Variants in CFAP299 observed in about 807,000 individuals in gnomAD.
CFAP299 encodes cilia- and flagella-associated protein 299.
In CFAP299, 21 loss-of-function variants were observed where a neutral mutation model predicts 27.0. The ratio of observed to expected loss-of-function variants is 0.78; its 90% confidence interval spans 0.55 to 1.12. CFAP299 has a LOEUF of 1.12. Ranked by LOEUF, CFAP299 falls within the 50% of genes most tolerant of loss-of-function variation. CFAP299 has a pLI of 0.00. For missense variants in CFAP299, 310 were observed against 276.6 expected, an observed-to-expected ratio of 1.12 and a Z score of -0.86; for synonymous variants, 104 against 98.1, an observed-to-expected ratio of 1.06 and a Z score of -0.36.
At chr4:80,932,801 G>A (rs1266702929) in intron 4 of CFAP299, among the ~76,000 whole-genome samples, 1 of 152,084 alleles carries the variant, frequency 6.6e-6, no homozygotes, top group East Asian at 1.9e-4. Flanking sequence ...GATTGCCCAG[G>A]ATAGTCCAAG....
chr4:80,841,101 A>G (rs1277525190), intron 3 of CFAP299, among the ~76,000 whole-genome samples: 1 of 152,188 alleles, frequency 6.6e-6, no homozygotes, highest in Non-Finnish European at 1.5e-5. Context: ...AATCTTATTC[A>G]TCCATGTGCC....
At chr4:80,476,831 C>A (rs915810084) in intron 2 of CFAP299, among the ~76,000 whole-genome samples, 6 of 152,038 alleles carry the variant, frequency 3.9e-5, no homozygotes, top group Non-Finnish European at 7.4e-5. Context: ...TCTGGTCACC[C>A]CTTCACTGTC....
At chr4:80,820,240 T>G (rs1729631191) in intron 3 of CFAP299, among the ~76,000 whole-genome samples, 2 of 152,190 alleles carry the variant, frequency 1.3e-5, no homozygotes, top group African/African-American at 4.8e-5. Flanking sequence ...AAAGGCCAGG[T>G]CTTTATGCAT....
At chr4:80,840,425 G>T (rs114912850) in intron 3 of CFAP299, among the ~76,000 whole-genome samples, 2 of 152,040 alleles carry the variant, frequency 1.3e-5, no homozygotes, top group African/African-American at 2.4e-5. Flanking sequence ...AAATGTTACC[G>T]GGTTATTTTG....
At chr4:80,719,235 C>G (rs1344721249) in intron 3 of CFAP299, among the ~76,000 whole-genome samples, 2 of 152,044 alleles carry the variant, frequency 1.3e-5, no homozygotes, top group Non-Finnish European at 2.9e-5. Flanking sequence ...AAAAAACCCC[C>G]ATGACATGAG....
intron 4 of CFAP299, among the ~76,000 whole-genome samples, chr4:80,936,565 T>C (rs141158544): frequency 6.6e-6 from 1 of 152,156 alleles, no homozygotes; most frequent in Non-Finnish European, 1.5e-5. Context: ...ATGTTTTCAC[T>C]TATAATTTGG....
At chr4:80,789,630 C>T (rs778856641) in intron 3 of CFAP299, among the ~76,000 whole-genome samples, 14 of 152,034 alleles carry the variant, frequency 9.2e-5, no homozygotes, top group Middle Eastern at 3.4e-3. Flanking sequence ...TATTTTGACA[C>T]GTATTTATTC....
At chr4:80,810,764 T>C (rs2110116534) in intron 3 of CFAP299, among the ~76,000 whole-genome samples, 3 of 152,206 alleles carry the variant, frequency 2.0e-5, no homozygotes, top group Non-Finnish European at 2.9e-5. Flanking sequence ...CAGTTTGTGG[T>C]AATTTGTTAT....
intron 3 of CFAP299, among the ~76,000 whole-genome samples, chr4:80,637,473 A>G (rs1000045269): frequency 6.6e-6 from 1 of 152,188 alleles, no homozygotes; most frequent in Non-Finnish European, 1.5e-5. Context: ...GACAGTTGCT[A>G]TCGGTGGAAC....
intron 2 of CFAP299, among the ~76,000 whole-genome samples, chr4:80,460,162 A>G (rs1296804627): frequency 6.6e-6 from 1 of 152,102 alleles, no homozygotes; most frequent in Non-Finnish European, 1.5e-5. Flanking sequence ...CTCAGAAAGT[A>G]AGTTTCTGTC....
chr4:80,608,091 G>A (rs201137543), intron 3 of CFAP299, among the ~76,000 whole-genome samples: 1 of 151,996 alleles, frequency 6.6e-6, no homozygotes, highest in East Asian at 1.9e-4. Flanking sequence ...AAATATATGT[G>A]TGTGTATATA....
intron 3 of CFAP299, among the ~76,000 whole-genome samples, chr4:80,675,788 A>G (rs923962940): frequency 1.1e-4 from 17 of 152,314 alleles, no homozygotes; most frequent in African/African-American, 3.1e-4. Flanking sequence ...TTGCAGGTCA[A>G]TCTCAGACTC....
intron 3 of CFAP299, among the ~76,000 whole-genome samples, chr4:80,670,615 G>A (rs569273257): frequency 3.4e-4 from 51 of 152,144 alleles, no homozygotes; most frequent in African/African-American, 1.2e-3. Flanking sequence ...ATAGTGTAAA[G>A]GCGGTCCTAT....
intron 3 of CFAP299, among the ~76,000 whole-genome samples, chr4:80,869,121 G>T (rs1251761081): frequency 6.6e-6 from 1 of 152,030 alleles, no homozygotes; most frequent in Non-Finnish European, 1.5e-5. Flanking sequence ...AGAAGTCTCT[G>T]AGTTACCATT....
intron 1 of CFAP299, among the ~76,000 whole-genome samples, chr4:80,353,821 T>C (rs1198516421): frequency 6.6e-6 from 1 of 152,152 alleles, no homozygotes; most frequent in East Asian, 1.9e-4. Context: ...TATAAAGAAA[T>C]GTAAAATTTC....
At chr4:80,870,802 T>C (rs1560456612) in intron 4 of CFAP299, 1 of 985,230 alleles carries the variant, frequency 1.0e-6, no homozygotes. Flanking sequence ...TGTATTCAGA[T>C]CATTATTTGA....
intron 3 of CFAP299, among the ~76,000 whole-genome samples, chr4:80,716,536 A>G (rs1416219252): frequency 6.6e-6 from 1 of 151,984 alleles, no homozygotes; most frequent in Non-Finnish European, 1.5e-5. Flanking sequence ...TTCACTCCCA[A>G]TGTGCAAGCT....
chr4:80,566,883 C>T (rs909996497), intron 2 of CFAP299, among the ~76,000 whole-genome samples: 1 of 152,026 alleles, frequency 6.6e-6, no homozygotes, highest in Admixed American at 6.6e-5. Flanking sequence ...GCACCTTTAT[C>T]CCCTGAAAGT....
intron 2 of CFAP299, among the ~76,000 whole-genome samples, chr4:80,423,169 A>T (rs1381907435): frequency 6.6e-6 from 1 of 152,230 alleles, no homozygotes; most frequent in Non-Finnish European, 1.5e-5. Flanking sequence ...GAACCTTGTT[A>T]TGTGGTCTGT....
Sources: gnomAD v4.1 joint callset for allele counts (sites outside exome capture counted in the v4.1 genomes callset) on GRCh38, gnomAD v4.1.1 for gene constraint, MANE v1.5 for transcripts, NCBI Gene and HGNC (gene_info 2026-07-23, HGNC 2026-07-21) for gene names.